DPH6: variants seen among roughly 807,000 people sequenced by gnomAD.
DPH6 encodes diphthamine biosynthesis 6.
DPH6 carries 33 observed loss-of-function variants against 38.2 expected under a neutral mutation model. That is an observed-to-expected ratio of 0.86 (90% CI 0.65 to 1.15). DPH6 has a LOEUF of 1.15. Ranked by LOEUF, DPH6 falls within the 50% of genes most tolerant of loss-of-function variation. The pLI is 0.00. For synonymous variants in DPH6, 108 were observed against 103.0 expected, an observed-to-expected ratio of 1.05 and a Z score of -0.30; for missense variants, 325 against 320.0, an observed-to-expected ratio of 1.02 and a Z score of -0.12.
intron 3 of DPH6, among the ~76,000 whole-genome samples, chr15:35,333,696 C>T (rs1162055273): frequency 6.6e-6 from 1 of 152,062 alleles, no homozygotes; most frequent in Non-Finnish European, 1.5e-5. Context: ...TTAGGTCAAC[C>T]ATTGTGGAAG....
chr15:35,349,505 C>T lies in DPH6; in HGVS notation n.208-18428G>A, dbSNP rs539187355. Among the ~76,000 whole-genome samples the T allele has an allele frequency of 1.8e-3, 275 of 152,166 alleles. 1 individual carries two copies. Among genetic ancestry groups the T allele is most frequent in the Middle Eastern group, 3.4e-3 (1 of 294 alleles). The stretch of plus-strand genomic sequence containing the variant: ...AGGCTGGAGTGCAGTGGAGTGATTT[C>T]GGCTTACTGCAACCTCTGCCTTCTG... On this transcript the variant is annotated intron_variant and non_coding_transcript_variant, in intron 3 of 3. Transcript: ENST00000558973.
At chr15:35,155,775 C>T in the DPH6 span, among the ~76,000 whole-genome samples, 41 of 152,094 alleles carry the variant, frequency 2.7e-4, no homozygotes, top group Non-Finnish European at 3.4e-4. Context: ...GAGAAAGGCA[C>T]GATTTTGAGA....
chr15:35,269,729 G>A (rs960730005), intron 3 of DPH6, among the ~76,000 whole-genome samples: 1 of 148,674 alleles, frequency 6.7e-6, no homozygotes, highest in African/African-American at 2.5e-5. Flanking sequence ...CAGCCACCGC[G>A]CCCGGCCAGG....
At chr15:35,313,407 C>T (rs994023327) in intron 3 of DPH6, among the ~76,000 whole-genome samples, 1 of 151,372 alleles carries the variant, frequency 6.6e-6, no homozygotes, top group Non-Finnish European at 1.5e-5. Flanking sequence ...GGGACTACAT[C>T]GAATCTGTAA....
intron 3 of DPH6, among the ~76,000 whole-genome samples, chr15:35,486,923 A>T (rs759018510): frequency 3.3e-5 from 5 of 152,140 alleles, no homozygotes; most frequent in Non-Finnish European, 7.3e-5. Context: ...AAATGCTCCC[A>T]TTCGGAATGG....
chr15:35,538,795 A>G (rs1243551120), intron 2 of DPH6, among the ~76,000 whole-genome samples: 3 of 152,124 alleles, frequency 2.0e-5, no homozygotes, highest in African/African-American at 7.2e-5. Flanking sequence ...ATTCAGTTAA[A>G]TATTTTTATT....
intron 4 of DPH6, among the ~76,000 whole-genome samples, chr15:35,452,008 T>C (rs1182554379): frequency 6.6e-6 from 1 of 152,062 alleles, no homozygotes; most frequent in African/African-American, 2.4e-5. Flanking sequence ...AGACTCTGTC[T>C]CAAAAAACAA....
chr15:35,195,364 A>C, the DPH6 span, among the ~76,000 whole-genome samples: 1 of 152,224 alleles, frequency 6.6e-6, no homozygotes, highest in African/African-American at 2.4e-5. Context: ...GCAAATAAGA[A>C]GCACTTACTA....
At chr15:35,460,204 C>T (rs761681686) in intron 3 of DPH6, among the ~76,000 whole-genome samples, 1 of 151,990 alleles carries the variant, frequency 6.6e-6, no homozygotes, top group African/African-American at 2.4e-5. Flanking sequence ...ACTGCCAGTT[C>T]TTCAAAGAAT....
In DPH6 at chr15:35,428,893, C is replaced by T. The variant is rs1391815969; in HGVS notation, c.506-17997G>A. 2.0e-5 allele frequency among the ~76,000 whole-genome samples: 3 copies of T among 152,056 alleles called. No individual in the cohort carries two copies. In the East Asian group the frequency reaches 5.8e-4, roughly 29 times the overall value. ...TGTGTCCCACTTTTATGCAATCTTT[C>T]CCTTTTACAAAAAGCAATTTCTGTT... On this transcript the variant is annotated intron_variant, in intron 5 of 8. Coordinates refer to ENST00000256538, the MANE Select transcript of DPH6 (RefSeq NM_080650.4).
intron 6 of DPH6, among the ~76,000 whole-genome samples, chr15:35,385,531 G>A (rs1429508425): frequency 2.6e-5 from 4 of 151,958 alleles, no homozygotes; most frequent in African/African-American, 9.7e-5. Context: ...ACCAAACACT[G>A]CATGTTCTCA....
intron 3 of DPH6, among the ~76,000 whole-genome samples, chr15:35,490,587 A>G (rs1350389001): frequency 6.6e-6 from 1 of 152,136 alleles, no homozygotes; most frequent in Non-Finnish European, 1.5e-5. Flanking sequence ...TCTCATTTTC[A>G]TGAGGGTCCC....
At chr15:35,526,956 T>C (rs2055012394) in intron 3 of DPH6, among the ~76,000 whole-genome samples, 1 of 152,170 alleles carries the variant, frequency 6.6e-6, no homozygotes, top group Non-Finnish European at 1.5e-5. Context: ...TGAAGAAGTC[T>C]AAAACAGGCT....
chr15:35,289,493 G>A (rs1268993182), intron 3 of DPH6, among the ~76,000 whole-genome samples: 2 of 152,108 alleles, frequency 1.3e-5, no homozygotes, highest in Non-Finnish European at 2.9e-5. Flanking sequence ...GAACTTGCAT[G>A]CTTAAAAGGC....
At chr15:35,358,224 GA>G (rs1206107744) in intron 3 of DPH6, among the ~76,000 whole-genome samples, 3 of 151,952 alleles carry the variant, frequency 2.0e-5, no homozygotes, top group Non-Finnish European at 4.4e-5. Context: ...AAAGTTTTCT[GA>G]ATTTTTGATT....
chr15:35,495,908 T>C (rs375285657), intron 3 of DPH6, among the ~76,000 whole-genome samples: 1 of 152,194 alleles, frequency 6.6e-6, no homozygotes, highest in Admixed American at 6.5e-5. Flanking sequence ...TCCACACATA[T>C]ATAGTAACTT....
At chr15:35,364,458 A>G (rs373125794) in intron 3 of DPH6, among the ~76,000 whole-genome samples, 5 of 152,234 alleles carry the variant, frequency 3.3e-5, no homozygotes, top group African/African-American at 9.6e-5. Context: ...AATTACACAC[A>G]GCAAAATGAA....
At chr15:35,298,817 C>A in intron 3 of DPH6, 1 of 1,093,498 alleles carries the variant, frequency 9.1e-7, no homozygotes, top group South Asian at 1.2e-5. Context: ...TCCTCGTACA[C>A]TGGGGGAGGA....
chr15:35,399,876 A>C (rs950074534), intron 6 of DPH6, among the ~76,000 whole-genome samples: 3 of 152,228 alleles, frequency 2.0e-5, no homozygotes, highest in Non-Finnish European at 1.5e-5. Context: ...TCTTTCTTAG[A>C]AATCTCTTGG....
Sources: gnomAD v4.1 joint callset for allele counts (sites outside exome capture counted in the v4.1 genomes callset) on GRCh38, gnomAD v4.1.1 for gene constraint, MANE v1.5 for transcripts, NCBI Gene and HGNC (gene_info 2026-07-23, HGNC 2026-07-21) for gene names.